KLHDC1: variants seen among roughly 807,000 people sequenced by gnomAD.
The protein encoded by KLHDC1 is kelch domain-containing protein 1.
In KLHDC1, 53 loss-of-function variants were observed where a neutral mutation model predicts 68.3. The observed-to-expected ratio is 0.78, with a 90% CI of 0.62 to 0.98. The LOEUF (loss-of-function observed/expected upper bound fraction) is 0.98, where lower values mean the gene tolerates loss of function less well. Among genes scored for constraint, KLHDC1 ranks in the 50% least tolerant of loss-of-function variants. KLHDC1 has a pLI of 0.00. For synonymous variants in KLHDC1, 148 were observed against 159.0 expected, an observed-to-expected ratio of 0.93 and a Z score of 0.52; for missense variants, 470 against 492.3, an observed-to-expected ratio of 0.95 and a Z score of 0.43.
rs1285588368 is a variant in KLHDC1 at position 49,695,095 on chromosome 14, G to A, written c.96+1805G>A. Among the ~76,000 whole-genome samples, 3 of 145,768 alleles carry A rather than the reference G, an allele frequency of 2.1e-5. No individual in the cohort carries two copies. The East Asian group carries it at 6.1e-4, about 30-fold the overall frequency. On this transcript the variant is annotated intron_variant, in intron 1 of 12. Coordinates refer to ENST00000359332, the MANE Select transcript of KLHDC1 (RefSeq NM_172193.3). ...CCTTCCTTTCACAAAATATTTCTCT[G>A]TAACATGCAATGCAGTTTTGATGTG...
At chr14:49,701,763 G>C (rs1324954797) in intron 1 of KLHDC1, among the ~76,000 whole-genome samples, 2 of 152,182 alleles carry the variant, frequency 1.3e-5, no homozygotes, top group African/African-American at 4.8e-5. Context: ...GTCGGGTGTG[G>C]TGGCTCATGC....
Position 49,740,117 on chromosome 14 carries a change from T to G in KLHDC1, c.916T>G (p.Leu306Val), listed in dbSNP as rs752982626. 6 of 1,610,928 alleles carry G rather than the reference T, an allele frequency of 3.7e-6. No homozygotes were observed. Among genetic ancestry groups the G allele is most frequent in the Non-Finnish European group, 5.1e-6 (6 of 1,177,428 alleles). ...TRPRLWHTAC[L>V]GKENEIMVFG... ...TCATAGGTTATGGCACACAGCCTGTTTGGGAAAAGAAAATGAAATAATGGT... is the reference window on the plus strand; with the variant it reads ...TCATAGGTTATGGCACACAGCCTGTGTGGGAAAAGAAAATGAAATAATGGT... Residue 306 changes from leucine to valine, a missense_variant, in exon 11 of 13, where the codon TTG (leucine) becomes GTG (valine). Transcript: ENST00000359332.
intron 4 of KLHDC1, among the ~76,000 whole-genome samples, chr14:49,717,705 CT>C (rs1008436166): frequency 1.6e-4 from 24 of 147,722 alleles, no homozygotes; most frequent in Admixed American, 3.4e-4. Context: ...TCCCTCCTCA[CT>C]TTTTTTTTTG....
At chr14:49,721,890 C>T (rs1888534698) in intron 4 of KLHDC1, among the ~76,000 whole-genome samples, 1 of 152,190 alleles carries the variant, frequency 6.6e-6, no homozygotes. Context: ...CCTCCCCTGG[C>T]CTTTGGAGGG....
chr14:49,720,552 G>C (rs1888501051), intron 4 of KLHDC1, among the ~76,000 whole-genome samples: 1 of 151,676 alleles, frequency 6.6e-6, no homozygotes, highest in African/African-American at 2.4e-5. Context: ...TTGGTGTGTA[G>C]TTCCTTTGTA....
chr14:49,715,781 T>TATATATAA (rs1459814199), intron 4 of KLHDC1, among the ~76,000 whole-genome samples: 1 of 141,036 alleles, frequency 7.1e-6, no homozygotes, highest in South Asian at 2.2e-4. Flanking sequence ...TATATATATA[T>TATATATAA]AATAAAAGAT....
At chr14:49,722,609 G>A (rs968431605) in intron 4 of KLHDC1, among the ~76,000 whole-genome samples, 7 of 152,168 alleles carry the variant, frequency 4.6e-5, no homozygotes, top group Admixed American at 1.3e-4. Context: ...CTTGTATTAC[G>A]CCTTTTTCAC....
intron 11 of KLHDC1, among the ~76,000 whole-genome samples, chr14:49,743,535 T>A (rs1889119760): frequency 6.6e-6 from 1 of 152,174 alleles, no homozygotes; most frequent in Non-Finnish European, 1.5e-5. Flanking sequence ...CACTGAAAAT[T>A]GGAAACCACA....
At chr14:49,699,126 C>T (rs1474706373) in intron 1 of KLHDC1, among the ~76,000 whole-genome samples, 3 of 146,620 alleles carry the variant, frequency 2.0e-5, no homozygotes, top group African/African-American at 7.6e-5. Flanking sequence ...ATCGTGCCAC[C>T]GCACTCCAGT....
At chr14:49,703,175 G>A (rs1017436640) in intron 1 of KLHDC1, among the ~76,000 whole-genome samples, 11 of 151,508 alleles carry the variant, frequency 7.3e-5, no homozygotes, top group African/African-American at 2.4e-4. Context: ...TGTTTATTAT[G>A]CAGGATAAAA....
rs148968764 is a variant in KLHDC1 at position 49,704,283 on chromosome 14, A to G, written c.97-4876A>G. Among the ~76,000 whole-genome samples the G allele has an allele frequency of 2.1e-4, 30 of 140,696 alleles. No homozygotes were observed. In the East Asian group the frequency reaches 5.5e-3, roughly 26 times the overall value. The allele number at this position is 140,696 out of a possible 152,430, so 92.3% of individuals were successfully genotyped here. A position where few individuals can be genotyped will look rare whatever the true frequency, so the allele number is the denominator to read the frequency against. The stretch of plus-strand genomic sequence containing the variant: ...CTTTTGCTCATTTTTCTGTTGGATT[A>G]TTTGCTTTTTTTAACTAATTTATAC... On this transcript the variant is annotated intron_variant, in intron 1 of 12. Coordinates refer to ENST00000359332, the MANE Select transcript of KLHDC1 (RefSeq NM_172193.3).
intron 11 of KLHDC1, 44 bp downstream of exon 11, chr14:49,740,226 T>C (rs1189672292): frequency 8.8e-7 from 1 of 1,138,060 alleles, no homozygotes; most frequent in Admixed American, 1.9e-5. Flanking sequence ...AGTAGTTGTG[T>C]TATTCACACT....
At chr14:49,735,016 T>A (rs1440399148) in intron 10 of KLHDC1, among the ~76,000 whole-genome samples, 1 of 152,112 alleles carries the variant, frequency 6.6e-6, no homozygotes, top group Non-Finnish European at 1.5e-5. Flanking sequence ...TTGGCTTTAA[T>A]AGTAGTTATT....
At position 49,709,193 on chromosome 14, in the gene KLHDC1, A is replaced by G. The variant is rs1228851306; in HGVS notation, c.131A>G (p.Asp44Gly). ...IEDNEVYLPN[D>G]EIWTYDIDSG... Reference sequence around the variant, plus strand: ...GACAATGAAGTATATTTGCCTAATGATGAAATTTGGACCTATGATATTGAT... The same window carrying G: ...GACAATGAAGTATATTTGCCTAATGGTGAAATTTGGACCTATGATATTGAT... Residue 44 changes from aspartate (D) to glycine (G), a missense_variant, in exon 2 of 13, where the codon GAT becomes GGT. By Grantham distance (94) the Asp-to-Gly change is moderately conservative. Transcript: ENST00000359332. The G allele has an allele frequency of 2.2e-6, 3 of 1,385,676 alleles. No homozygotes were observed. Among genetic ancestry groups the G allele is most frequent in the South Asian group, 1.2e-5 (1 of 81,574 alleles). The allele number at this position is 1,385,676 out of a possible 1,614,324, so 85.8% of individuals were successfully genotyped here. A position where few individuals can be genotyped will look rare whatever the true frequency, so the allele number is the denominator to read the frequency against.
chr14:49,731,240 A>G (rs546981472), intron 8 of KLHDC1, among the ~76,000 whole-genome samples: 1 of 152,264 alleles, frequency 6.6e-6, no homozygotes, highest in East Asian at 1.9e-4. Flanking sequence ...AGATCACGCC[A>G]TTGCACTCCA....
chr14:49,731,198 T>C (rs955338595), intron 8 of KLHDC1, among the ~76,000 whole-genome samples: 2 of 152,130 alleles, frequency 1.3e-5, no homozygotes, highest in African/African-American at 2.4e-5. Flanking sequence ...GAGAATTGCT[T>C]GTACCTGGGA....
intron 11 of KLHDC1, among the ~76,000 whole-genome samples, chr14:49,741,297 T>C (rs1889058132): frequency 6.6e-6 from 1 of 151,854 alleles, no homozygotes; most frequent in Non-Finnish European, 1.5e-5. Flanking sequence ...TGTTGAAATA[T>C]TCCAAGTATA....
At chr14:49,721,216 C>T (rs910684819) in intron 4 of KLHDC1, among the ~76,000 whole-genome samples, 3 of 152,150 alleles carry the variant, frequency 2.0e-5, no homozygotes, top group African/African-American at 7.2e-5. Context: ...CACTCTCACT[C>T]AGGCTGGAGT....
chr14:49,736,608 T>C (rs1888935378), intron 10 of KLHDC1, among the ~76,000 whole-genome samples: 1 of 152,224 alleles, frequency 6.6e-6, no homozygotes, highest in African/African-American at 2.4e-5. Context: ...AAGCATTTTG[T>C]ACAAATTTTT....
Sources: gnomAD v4.1 joint callset for allele counts (sites outside exome capture counted in the v4.1 genomes callset) on GRCh38, gnomAD v4.1.1 for gene constraint, MANE v1.5 for transcripts, NCBI Gene and HGNC (gene_info 2026-07-23, HGNC 2026-07-21) for gene names.